The following DCAF8 variants were observed in gnomAD, a reference collection of about 807,000 sequenced individuals.
The protein encoded by DCAF8 is DDB1- and CUL4-associated factor 8.
DCAF8 carries 20 observed loss-of-function variants against 68.0 expected under a neutral mutation model. That is an observed-to-expected ratio of 0.29 (90% CI 0.21 to 0.43). DCAF8 has a LOEUF of 0.43. Ranked by LOEUF, DCAF8 falls within the 20% of genes least tolerant of loss-of-function variation. The pLI is 1.00. For missense variants in DCAF8, 460 were observed against 771.0 expected (o/e 0.60, Z 4.78); for synonymous variants, 230 against 276.9 (o/e 0.83, Z 1.68).
intron 2 of DCAF8, among the ~76,000 whole-genome samples, chr1:160,260,910 T>C (rs909822593): frequency 2.6e-5 from 4 of 152,154 alleles, no homozygotes; most frequent in Middle Eastern, 3.4e-3. Flanking sequence ...GAGACCTGAT[T>C]TGACAACAGG....
chr1:160,218,513 C>CT, intron 12 of DCAF8, 73 bp from the exon 13 acceptor site: 4 of 1,123,120 alleles, frequency 3.6e-6, no homozygotes, highest in Non-Finnish European at 5.4e-6. Context: ...GAAGGCTGAT[C>CT]TCCTATCCCA....
At chr1:160,248,183 C>T (rs140248185) in intron 2 of DCAF8, among the ~76,000 whole-genome samples, 2 of 151,754 alleles carry the variant, frequency 1.3e-5, no homozygotes, top group East Asian at 1.9e-4. Flanking sequence ...GGCACATGCC[C>T]GTAGTCCCTG....
intron 1 of DCAF8, 26 bp downstream of exon 1, chr1:160,262,423 C>T (rs1657142870): frequency 2.5e-6 from 1 of 401,032 alleles, no homozygotes; most frequent in Non-Finnish European, 4.4e-6. Context: ...CGTCCACTGC[C>T]ACCACCAACG....
chr1:160,227,242 A>G (rs1291136902), intron 7 of DCAF8, among the ~76,000 whole-genome samples: 1 of 152,200 alleles, frequency 6.6e-6, no homozygotes, highest in Admixed American at 6.5e-5. Context: ...TTGGACATCA[A>G]GGAGAGAAGG....
chr1:160,249,941 T>C (rs145691035), intron 2 of DCAF8, among the ~76,000 whole-genome samples: 5 of 152,236 alleles, frequency 3.3e-5, no homozygotes, highest in African/African-American at 7.2e-5. Context: ...CTGGAAAAGA[T>C]AAAACTATAG....
Position 160,217,521 on chromosome 1 carries a change from T to A in DCAF8, c.*71A>T, listed in dbSNP as rs1655159632. 1 of 1,156,846 alleles carries A rather than the reference T, an allele frequency of 8.6e-7. No individual in the cohort carries two copies. The highest frequency in any genetic ancestry group is 2.0e-5 in the Admixed American group (1 of 50,656). The allele number at this position is 1,156,846 out of a possible 1,614,324, so 71.7% of individuals were successfully genotyped here. ...GTGCGTTTCTGCTGAATGTAGGGCC[T>A]GGGACAGGAAAGGGTTGCCCAGGCA... On this transcript the variant is annotated 3_prime_UTR_variant, in exon 14 of 14. Coordinates refer to ENST00000368074, the MANE Select transcript of DCAF8 (RefSeq NM_015726.4).
chr1:160,258,519 G>A (rs1292166842), intron 2 of DCAF8, among the ~76,000 whole-genome samples: 2 of 151,976 alleles, frequency 1.3e-5, no homozygotes, highest in African/African-American at 2.4e-5. Flanking sequence ...TGGGTGCTGC[G>A]GCTATGCCTG....
chr1:160,242,678 G>A (rs1656166642), intron 3 of DCAF8, among the ~76,000 whole-genome samples: 1 of 152,064 alleles, frequency 6.6e-6, no homozygotes, highest in South Asian at 2.1e-4. Context: ...AAAAACCTTA[G>A]GCTTTGCAGA....
rs1319812715 is a variant in DCAF8 at position 160,215,727 on chromosome 1, A to G, written c.*1865T>C. On this transcript the variant is annotated 3_prime_UTR_variant, in exon 14 of 14. Coordinates refer to ENST00000368074, the MANE Select transcript of DCAF8 (RefSeq NM_015726.4). ...TACCACACAGAGCAGCAGTCGGGAG[A>G]AGAAAAGCTTTACTGGGAGAAAATA... is the stretch of plus-strand genomic sequence containing the variant. 2 of 152,228 alleles carry G rather than the reference A, an allele frequency of 1.3e-5. No homozygotes were observed. The highest frequency in any genetic ancestry group is 3.8e-4 in the East Asian group (2 of 5,202). 9.4% of individuals were successfully genotyped at this position (152,228 alleles called of 1,614,324 possible). A position where few individuals can be genotyped will look rare whatever the true frequency, so the allele number is the denominator to read the frequency against.
intron 6 of DCAF8, among the ~76,000 whole-genome samples, chr1:160,234,041 AC>A (rs1323167989): frequency 6.6e-6 from 1 of 152,200 alleles, no homozygotes; most frequent in Non-Finnish European, 1.5e-5. Flanking sequence ...ACTGGCTTCC[AC>A]TGGCTAAAGG....
chr1:160,221,493 G>A (rs1289935344), intron 11 of DCAF8, among the ~76,000 whole-genome samples: 1 of 152,106 alleles, frequency 6.6e-6, no homozygotes, highest in Non-Finnish European at 1.5e-5. Flanking sequence ...GAAACCAGAA[G>A]AAAATTTGAA....
At chr1:160,259,650 T>C (rs533800246) in intron 2 of DCAF8, among the ~76,000 whole-genome samples, 1 of 152,210 alleles carries the variant, frequency 6.6e-6, no homozygotes, top group Non-Finnish European at 1.5e-5. Context: ...TGAGGATCAC[T>C]GTATAGCCCA....
chr1:160,247,852 T>C (rs901309278), intron 2 of DCAF8, among the ~76,000 whole-genome samples: 3 of 151,994 alleles, frequency 2.0e-5, no homozygotes, highest in African/African-American at 4.8e-5. Flanking sequence ...AAAAGCTAAG[T>C]CAAAATGAAT....
chr1:160,256,131 G>A (rs1317285637), intron 2 of DCAF8, among the ~76,000 whole-genome samples: 1 of 149,694 alleles, frequency 6.7e-6, no homozygotes. Flanking sequence ...GGGATTACAG[G>A]TACATGCCAC....
At chr1:160,240,729 T>C (rs1656081119) in intron 3 of DCAF8, among the ~76,000 whole-genome samples, 1 of 152,180 alleles carries the variant, frequency 6.6e-6, no homozygotes. Flanking sequence ...TATTAAGTTA[T>C]AGCAAATAAT....
intron 3 of DCAF8, among the ~76,000 whole-genome samples, chr1:160,240,973 G>A (rs899112087): frequency 3.4e-4 from 52 of 152,086 alleles, no homozygotes; most frequent in African/African-American, 1.4e-4. Flanking sequence ...GACCATCCTG[G>A]CTAACATGGT....
chr1:160,251,798 G>A (rs1656610983), intron 2 of DCAF8, among the ~76,000 whole-genome samples: 1 of 152,116 alleles, frequency 6.6e-6, no homozygotes, highest in Non-Finnish European at 1.5e-5. Context: ...GAGAACCTCA[G>A]GCACTGAAAC....
At chr1:160,233,059 AGTTTTT>A (rs58421777) in intron 6 of DCAF8, among the ~76,000 whole-genome samples, 2,406 of 152,300 alleles carry the variant, frequency 0.016, 59 homozygotes, top group African/African-American at 0.049. Context: ...GCTTGGCTTT[AGTTTTT>A]GTTTTTAAGT....
At chr1:160,218,220 C>T in intron 13 of DCAF8, 104 bp downstream of exon 13, 2 of 853,992 alleles carry the variant, frequency 2.3e-6, no homozygotes, top group South Asian at 1.4e-5. Flanking sequence ...GATAGGAAAT[C>T]CGACCAAGAT....
Sources: allele counts gnomAD v4.1 joint callset (sites outside exome capture counted in the v4.1 genomes callset), GRCh38; gene constraint gnomAD v4.1.1; transcripts MANE v1.5; gene names NCBI Gene and HGNC (gene_info 2026-07-23, HGNC 2026-07-21).